Variants in NEO1 observed in about 807,000 individuals in gnomAD.
NEO1 encodes the protein neogenin.
A neutral mutation model predicts 159.7 loss-of-function variants in NEO1; 63 were observed. The ratio of observed to expected loss-of-function variants is 0.39; its 90% confidence interval spans 0.32 to 0.49. NEO1 has a LOEUF of 0.49. NEO1 is among the 20% of genes least tolerant of loss of function. NEO1 has a pLI of 0.85. For synonymous variants in NEO1, 633 were observed against 662.0 expected (o/e 0.96, Z 0.67); for missense variants, 1,615 against 1,831.0 (o/e 0.88, Z 2.15).
chr15:73,160,208 T>C (rs2034072954), intron 5 of NEO1, among the ~76,000 whole-genome samples: 1 of 152,184 alleles, frequency 6.6e-6, no homozygotes, highest in African/African-American at 2.4e-5. Context: ...AACACCAAAC[T>C]GTTGTTTTTC....
intron 5 of NEO1, among the ~76,000 whole-genome samples, chr15:73,172,143 A>G (rs2035014399): frequency 6.6e-6 from 1 of 152,214 alleles, no homozygotes; most frequent in African/African-American, 2.4e-5. Context: ...ATGACTTGAT[A>G]ATTGTTGAAT....
At chr15:73,210,043 A>C (rs2037467938) in intron 7 of NEO1, among the ~76,000 whole-genome samples, 2 of 152,128 alleles carry the variant, frequency 1.3e-5, no homozygotes, top group South Asian at 4.1e-4. Flanking sequence ...GCCTACTGGT[A>C]TTGTGATGAC....
At chr15:73,244,211 C>T in intron 8 of NEO1, 133 bp from the exon 9 acceptor site, 2 of 968,302 alleles carry the variant, frequency 2.1e-6, no homozygotes, top group Admixed American at 2.8e-5. Flanking sequence ...ACTGTCCTAC[C>T]CCCAAAAGCT....
chr15:73,251,891 T>G (rs1161463129), intron 11 of NEO1, among the ~76,000 whole-genome samples: 1 of 152,198 alleles, frequency 6.6e-6, no homozygotes, highest in South Asian at 2.1e-4. Flanking sequence ...CGTCCTGAGA[T>G]TATTATAAGG....
At chr15:73,105,283 G>A (rs1022674686) in intron 1 of NEO1, among the ~76,000 whole-genome samples, 3 of 152,256 alleles carry the variant, frequency 2.0e-5, no homozygotes, top group African/African-American at 7.2e-5. Context: ...ACTTTTCTGC[G>A]AATGATTACT....
chr15:73,063,165 A>G (rs2151262792), intron 1 of NEO1, among the ~76,000 whole-genome samples: 1 of 152,326 alleles, frequency 6.6e-6, no homozygotes, highest in African/African-American at 2.4e-5. Context: ...AGCTAGTGCT[A>G]AAGTAATGTC....
intron 25 of NEO1, among the ~76,000 whole-genome samples, chr15:73,291,043 T>C (rs2151137274): frequency 6.6e-6 from 1 of 152,288 alleles, no homozygotes; most frequent in South Asian, 2.1e-4. Flanking sequence ...CTTATGCTTG[T>C]GGTCCTTGAT....
At chr15:73,267,009 A>G (rs2040934890) in intron 16 of NEO1, among the ~76,000 whole-genome samples, 1 of 152,236 alleles carries the variant, frequency 6.6e-6, no homozygotes, top group Non-Finnish European at 1.5e-5. Context: ...CTGTAATCCC[A>G]GCAGTTTGGG....
intron 10 of NEO1, 56 bp from the exon 11 acceptor site, chr15:73,249,527 T>C: frequency 1.3e-6 from 2 of 1,507,886 alleles, no homozygotes; most frequent in Non-Finnish European, 1.8e-6. Context: ...TTCTTTAATT[T>C]TCAACTTTTC....
chr15:73,238,840 ATTTTGTTTTG>A (rs150140722), intron 8 of NEO1, among the ~76,000 whole-genome samples: 38 of 150,920 alleles, frequency 2.5e-4, no homozygotes, highest in South Asian at 4.2e-4. Flanking sequence ...GTTTGTTTTT[ATTTTGTTTTG>A]TTTTGTTTTG....
chr15:73,266,202 T>C lies in NEO1; in HGVS notation c.2399-114T>C, dbSNP rs540310514. 112 of 725,806 alleles carry C rather than the reference T, an allele frequency of 1.5e-4. 1 individual carries two copies. In the South Asian group the frequency reaches 2.5e-3, roughly 16 times the overall value. 45.0% of individuals were successfully genotyped at this position (725,806 alleles called of 1,614,324 possible). On this transcript the variant is annotated intron_variant, in intron 15 of 28. Transcript: ENST00000261908. ...AACCTGAAATAATCCCCCATAAAAA[T>C]TTTTAAAGTTGTCTTTCTTGAATTC...
intron 5 of NEO1, among the ~76,000 whole-genome samples, chr15:73,153,207 A>G (rs144712938): frequency 0.015 from 2,213 of 152,270 alleles, 21 homozygotes; most frequent in South Asian, 0.017. Context: ...ATTGAGTGCC[A>G]TCTGCTGTAA....
chr15:73,258,831 G>A lies in NEO1; in HGVS notation c.2158G>A (p.Ala720Thr), dbSNP rs952837071. The A allele has an allele frequency of 6.2e-7, 1 of 1,613,758 alleles. No homozygotes were observed. The highest frequency in any genetic ancestry group is 8.5e-7 in the Non-Finnish European group (1 of 1,179,890). Reference sequence around the variant, plus strand: ...TCTAACAATCAATGGTACAGGCCCGGCAACTGACTGGCTGTCTGCTGAAAC... The same window carrying A: ...TCTAACAATCAATGGTACAGGCCCGACAACTGACTGGCTGTCTGCTGAAAC... ...AALTINGTGP[A>T]TDWLSAETFE... Residue 720 changes from alanine to threonine, a missense_variant, in exon 14 of 29, where the codon GCA (alanine) becomes ACA (threonine). By Grantham distance (58) the Ala-to-Thr change is moderately conservative. Transcript: ENST00000261908.
At chr15:73,240,875 C>A (rs568696313) in intron 8 of NEO1, among the ~76,000 whole-genome samples, 3 of 152,110 alleles carry the variant, frequency 2.0e-5, no homozygotes, top group Non-Finnish European at 2.9e-5. Context: ...TTTTTTAAGT[C>A]GTAAGACTAT....
chr15:73,114,023 A>G (rs1264065501), intron 1 of NEO1, among the ~76,000 whole-genome samples: 2 of 152,212 alleles, frequency 1.3e-5, no homozygotes, highest in African/African-American at 2.4e-5. Context: ...ACTTAAAGTT[A>G]TTACAAATAT....
At chr15:73,167,425 C>T (rs113931143) in intron 5 of NEO1, among the ~76,000 whole-genome samples, 5 of 152,152 alleles carry the variant, frequency 3.3e-5, no homozygotes, top group African/African-American at 1.2e-4. Flanking sequence ...GTGCCTGGAA[C>T]TTCTCTTGAA....
chr15:73,224,046 C>A lies in NEO1; in HGVS notation c.1292-12301C>A, dbSNP rs147668571. ...CTTGTCTGGAAAAGACTGTATCTTT[C>A]CTTCATATGTGATGCTTAGTTTCAC... On this transcript the variant is annotated intron_variant, in intron 7 of 28. Transcript: ENST00000261908. 7.6e-3 allele frequency among the ~76,000 whole-genome samples: 1,156 copies of A among 152,214 alleles called. 16 individuals carry two copies. Among genetic ancestry groups the A allele is most frequent in the African/African-American group, 0.027 (1,125 of 41,528 alleles).
In NEO1 at chr15:73,203,168, G is replaced by A. The variant is rs373264939; in HGVS notation, c.1291+24741G>A. Among the ~76,000 whole-genome samples the A allele has an allele frequency of 1.5e-4, 23 of 152,160 alleles. No individual in the cohort carries two copies. In the East Asian group the frequency reaches 2.1e-3, roughly 14 times the overall value. On this transcript the variant is annotated intron_variant, in intron 7 of 28. Transcript: ENST00000261908. ...ATATGATAATTCTATTGTTACTTTTGAGAGGAACTTTTATACTGTTTTCAC... is the reference window on the plus strand; with the variant it reads ...ATATGATAATTCTATTGTTACTTTTAAGAGGAACTTTTATACTGTTTTCAC...
chr15:73,176,315 G>A (rs1014008576), intron 5 of NEO1, 88 bp from the exon 6 acceptor site: 2 of 906,894 alleles, frequency 2.2e-6, no homozygotes, highest in Admixed American at 3.1e-5. Context: ...AAAATCCTGT[G>A]GATTTTATGA....
Sources: allele counts gnomAD v4.1 joint callset (sites outside exome capture counted in the v4.1 genomes callset), GRCh38; gene constraint gnomAD v4.1.1; transcripts MANE v1.5; gene names NCBI Gene and HGNC (gene_info 2026-07-23, HGNC 2026-07-21).